Variants in CADPS observed in about 807,000 individuals in gnomAD.
CADPS encodes calcium dependent secretion activator, also known as calcium-dependent secretion activator 1.
Under a neutral mutation model 167.3 loss-of-function variants are expected in CADPS, and 57 were observed. The ratio of observed to expected loss-of-function variants is 0.34; its 90% CI spans 0.28 to 0.42. CADPS has a LOEUF of 0.42. CADPS is among the 20% of genes least tolerant of loss of function. The pLI is 1.00. For synonymous variants in CADPS, 676 were observed against 635.3 expected (o/e 1.06, Z -0.96); for missense variants, 1,414 against 1,738.1 (o/e 0.81, Z 3.32).
At chr3:62,484,344 A>G (rs998360637) in intron 21 of CADPS, among the ~76,000 whole-genome samples, 3 of 152,208 alleles carry the variant, frequency 2.0e-5, no homozygotes, top group Admixed American at 1.3e-4. Flanking sequence ...ACATGTGAAA[A>G]GGGGGAATTT....
chr3:62,777,326 T>A (rs1252950067), intron 1 of CADPS, among the ~76,000 whole-genome samples: 1 of 152,216 alleles, frequency 6.6e-6, no homozygotes, highest in African/African-American at 2.4e-5. Flanking sequence ...AACATTATCC[T>A]GTCAGCATGA....
At chr3:62,518,351 T>A in intron 13 of CADPS, 101 bp from the exon 14 acceptor site, 1 of 834,734 alleles carries the variant, frequency 1.2e-6, no homozygotes, top group Non-Finnish European at 1.9e-6. Context: ...AAGAAACAAC[T>A]ACAGTGATCG....
At chr3:62,664,125 G>A (rs1400226807) in intron 3 of CADPS, among the ~76,000 whole-genome samples, 1 of 152,070 alleles carries the variant, frequency 6.6e-6, no homozygotes, top group African/African-American at 2.4e-5. Context: ...CCCTGCCTCA[G>A]CCTCCTGAGT....
chr3:62,832,091 C>T (rs1261663789), intron 1 of CADPS, among the ~76,000 whole-genome samples: 5 of 152,194 alleles, frequency 3.3e-5, no homozygotes, highest in African/African-American at 4.8e-5. Context: ...AAATAACAAA[C>T]TGAGACCTAT....
At chr3:62,803,280 T>G (rs2093886348) in intron 1 of CADPS, among the ~76,000 whole-genome samples, 1 of 151,152 alleles carries the variant, frequency 6.6e-6, no homozygotes, top group Admixed American at 6.6e-5. Context: ...TTAAAGAGCC[T>G]GTAAGACATT....
intron 8 of CADPS, among the ~76,000 whole-genome samples, chr3:62,583,984 C>T (rs1203851697): frequency 1.3e-5 from 2 of 148,426 alleles, no homozygotes; most frequent in Non-Finnish European, 3.0e-5. Flanking sequence ...CCCCAAACCT[C>T]TAGTACATCT....
intron 3 of CADPS, among the ~76,000 whole-genome samples, chr3:62,707,001 AG>A (rs1374376122): frequency 6.6e-6 from 1 of 152,150 alleles, no homozygotes; most frequent in Non-Finnish European, 1.5e-5. Context: ...ATACAAAAAA[AG>A]GATTCTATCT....
intron 26 of CADPS, among the ~76,000 whole-genome samples, chr3:62,453,311 T>C (rs535672969): frequency 2.6e-5 from 4 of 152,224 alleles, no homozygotes; most frequent in South Asian, 2.1e-4. Flanking sequence ...TTTTTAGCCA[T>C]GTGCCGATAT....
At chr3:62,481,964 C>T in intron 21 of CADPS, 95 bp from the exon 22 acceptor site, 1 of 1,267,674 alleles carries the variant, frequency 7.9e-7, no homozygotes, top group Non-Finnish European at 1.1e-6. Context: ...TTGACCAAGT[C>T]CACAGCAAGA....
chr3:62,734,554 A>G (rs2078601490), intron 3 of CADPS, among the ~76,000 whole-genome samples: 1 of 152,174 alleles, frequency 6.6e-6, no homozygotes, highest in African/African-American at 2.4e-5. Flanking sequence ...ATGAAATAAT[A>G]GAATACATAC....
At chr3:62,535,006 T>C (rs1468148304) in intron 12 of CADPS, among the ~76,000 whole-genome samples, 3 of 152,002 alleles carry the variant, frequency 2.0e-5, no homozygotes, top group Admixed American at 1.3e-4. Flanking sequence ...ACAAAGAAAA[T>C]TGTTTTAAAA....
chr3:62,600,730 G>C (rs1306209916), intron 6 of CADPS, among the ~76,000 whole-genome samples: 1 of 152,150 alleles, frequency 6.6e-6, no homozygotes, highest in Non-Finnish European at 1.5e-5. Flanking sequence ...CATTATTTTG[G>C]GGGAGATGCC....
At chr3:62,731,385 G>C (rs117797699) in intron 3 of CADPS, among the ~76,000 whole-genome samples, 2 of 152,154 alleles carry the variant, frequency 1.3e-5, no homozygotes, top group Admixed American at 6.5e-5. Flanking sequence ...GTATAAAGAA[G>C]TCTGGAGAAG....
rs1477462186 is a variant in CADPS at position 62,420,756 on chromosome 3, C to T, written c.3777+17348G>A. ...CAGCTGGGTTCTGCCTCCAATGGCG[C>T]CCTTTCCTCTTGCTTTATTTTTACT... On this transcript the variant is annotated intron_variant, in intron 28 of 29. Coordinates refer to ENST00000383710, the MANE Select transcript of CADPS (RefSeq NM_003716.4). The surrounding 1 kb of genome is among the most constrained non-coding windows in gnomAD (Gnocchi z 4.1). Among the ~76,000 whole-genome samples the T allele has an allele frequency of 1.3e-5, 2 of 152,090 alleles. No individual in the cohort carries two copies. The highest frequency in any genetic ancestry group is 2.9e-5 in the Non-Finnish European group (2 of 68,014).
chr3:62,604,143 T>C (rs11922871), intron 6 of CADPS, among the ~76,000 whole-genome samples: 1,952 of 152,252 alleles, frequency 0.013, 38 homozygotes, highest in African/African-American at 0.044. Context: ...TATACGTTTT[T>C]TCAAGTATGA....
intron 6 of CADPS, among the ~76,000 whole-genome samples, chr3:62,634,951 G>A (rs9831940): frequency 0.07 from 10,662 of 152,184 alleles, 445 homozygotes; most frequent in African/African-American, 0.11. Flanking sequence ...AGCATCTTAT[G>A]CACTTCTCTC....
intron 11 of CADPS, among the ~76,000 whole-genome samples, chr3:62,541,602 G>C (rs1291991333): frequency 2.0e-5 from 3 of 152,094 alleles, no homozygotes; most frequent in African/African-American, 7.2e-5. Flanking sequence ...AGTAATTTTG[G>C]CTTGACATTT....
intron 4 of CADPS, among the ~76,000 whole-genome samples, chr3:62,655,036 C>T (rs2071197506): frequency 6.6e-6 from 1 of 152,096 alleles, no homozygotes; most frequent in Non-Finnish European, 1.5e-5. Flanking sequence ...GTTAGCTCCA[C>T]CAAATTCTAT....
intron 9 of CADPS, among the ~76,000 whole-genome samples, chr3:62,568,750 CT>C (rs1407532325): frequency 6.6e-6 from 1 of 152,214 alleles, no homozygotes; most frequent in Non-Finnish European, 1.5e-5. Context: ...CCTATTGGTT[CT>C]GTCTCTCTGG....
Sources: allele counts gnomAD v4.1 joint callset (sites outside exome capture counted in the v4.1 genomes callset), GRCh38; gene constraint gnomAD v4.1.1; non-coding constraint Gnocchi (gnomAD v3.1); transcripts MANE v1.5; gene names NCBI Gene and HGNC (gene_info 2026-07-23, HGNC 2026-07-21).